The following ARF6 variants were observed in gnomAD, a reference collection of about 807,000 sequenced individuals.
ARF6 encodes ARF GTPase 6, also known as ADP-ribosylation factor 6.
For synonymous variants in ARF6, 127 were observed against 95.5 expected, an observed-to-expected ratio of 1.33 and a Z score of -1.92; for missense variants, 75 against 232.0, an observed-to-expected ratio of 0.32 and a Z score of 4.40.
In ARF6 at chr14:49,894,426, T is replaced by C. The variant is rs1894492418; in HGVS notation, c.*162T>C. On this transcript the variant is annotated 3_prime_UTR_variant, in exon 2 of 2. Transcript: ENST00000298316. ...GCGGGGACGGGGCTTGGGGGTTTTC[T>C]CTTTTGTTTGTTTCCCTTTCTTTTT... 4.6e-6 allele frequency: 3 copies of C among 655,396 alleles called. No individual in the cohort carries two copies. Among genetic ancestry groups the C allele is most frequent in the Non-Finnish European group, 4.9e-6 (2 of 404,262 alleles). 40.6% of individuals were successfully genotyped at this position (655,396 alleles called of 1,614,324 possible).
At position 49,896,738 on chromosome 14, in the gene ARF6, G is replaced by GTAA. The variant is rs1894528657; in HGVS notation, c.*2474_*2475insTAA. 1 of 166,936 alleles carries GTAA rather than the reference G, an allele frequency of 6.0e-6. No individual in the cohort carries two copies. The highest frequency in any genetic ancestry group is 1.5e-5 in the Non-Finnish European group (1 of 68,084). 10.3% of individuals were successfully genotyped at this position (166,936 alleles called of 1,614,324 possible). A position where few individuals can be genotyped will look rare whatever the true frequency, so the allele number is the denominator to read the frequency against. On this transcript the variant is annotated 3_prime_UTR_variant, in exon 2 of 2. Coordinates refer to ENST00000298316, the MANE Select transcript of ARF6 (RefSeq NM_001663.4). ...TAAAATTTTCTTTAAGGATATAAGA[G>GTAA]GTTTATAATTGATGTAGTTAAATTG...
chr14:49,896,925 A>G lies in ARF6; in HGVS notation c.*2661A>G, dbSNP rs1894530796. 6.0e-6 allele frequency: 1 copy of G among 167,050 alleles called. No homozygotes were observed. The highest frequency in any genetic ancestry group is 2.4e-5 in the African/African-American group (1 of 41,434). 10.3% of individuals were successfully genotyped at this position (167,050 alleles called of 1,614,324 possible). On this transcript the variant is annotated 3_prime_UTR_variant, in exon 2 of 2. Coordinates refer to ENST00000298316, the MANE Select transcript of ARF6 (RefSeq NM_001663.4). The stretch of plus-strand genomic sequence containing the variant: ...TTTTGAATGAGGTTAATCTTGTTTA[A>G]TATAAGTAAATGAGTCTGTAGACTG...
In ARF6 at chr14:49,893,511, C is replaced by G. The variant is rs112017635; in HGVS notation, c.-226C>G. The G allele has an allele frequency of 0.1, 56,628 of 555,072 alleles. 3,322 individuals are homozygous for G. Among genetic ancestry groups the G allele is most frequent in the Non-Finnish European group, 0.12 (36,621 of 316,584 alleles). The allele number at this position is 555,072 out of a possible 1,614,324, so 34.4% of individuals were successfully genotyped here. On this transcript the variant is annotated 5_prime_UTR_variant, in exon 2 of 2. Transcript: ENST00000298316. ...AGGGCGGCGGCTCCCAGCGCAGTCT[C>G]AGGGCCCGGGTGGCGGCGGCGACTG... is the stretch of plus-strand genomic sequence containing the variant.
At position 49,893,637 on chromosome 14, in the gene ARF6, C is replaced by CG. The variant is rs1894480192; in HGVS notation, c.-98dup. On this transcript the variant is annotated 5_prime_UTR_variant, in exon 2 of 2. Transcript: ENST00000298316. ...CACGCAGGCCGCAAAGGCGCTCTCG[C>CG]GGCCGAGAGGCTTCGTTTCGGTTTC... 6.8e-7 allele frequency: 1 copy of CG among 1,474,576 alleles called. No individual in the cohort carries two copies. The highest frequency in any genetic ancestry group is 9.2e-7 in the Non-Finnish European group (1 of 1,086,048). 91.3% of individuals were successfully genotyped at this position (1,474,576 alleles called of 1,614,324 possible).
chr14:49,894,406 G>T lies in ARF6; in HGVS notation c.*142G>T, dbSNP rs965534052. On this transcript the variant is annotated 3_prime_UTR_variant, in exon 2 of 2. Coordinates refer to ENST00000298316, the MANE Select transcript of ARF6 (RefSeq NM_001663.4). The stretch of plus-strand genomic sequence containing the variant: ...AGTTACTGTTCTACAGTTTGGCGGG[G>T]ACGGGGCTTGGGGGTTTTCTCTTTT... 6.8e-6 allele frequency: 6 copies of T among 887,510 alleles called. No individual in the cohort carries two copies. The African/African-American group carries it at 1.0e-4, about 15-fold the overall frequency. The allele number at this position is 887,510 out of a possible 1,614,324, so 55.0% of individuals were successfully genotyped here.
At position 49,894,022 on chromosome 14, in the gene ARF6, A is replaced by T. The variant is rs761927063; in HGVS notation, c.286A>T (p.Ile96Phe). Reference protein sequence around the residue: ...FVVDCADRDRIDEARQELHRI... With the variant: ...FVVDCADRDRFDEARQELHRI... ...AGTGGACTGCGCCGACCGCGACCGC[A>T]TCGATGAGGCTCGCCAGGAGCTGCA... Residue 96 changes from isoleucine (I) to phenylalanine (F), a missense_variant, in exon 2 of 2, where the codon ATC becomes TTC. Transcript: ENST00000298316. 6.2e-7 allele frequency: 1 copy of T among 1,614,244 alleles called. No homozygotes were observed. Among genetic ancestry groups the T allele is most frequent in the East Asian group, 2.2e-5 (1 of 44,890 alleles).
At position 49,896,528 on chromosome 14, in the gene ARF6, TTAAAA is replaced by T. The variant is rs1894525980; in HGVS notation, c.*2268_*2272del. On this transcript the variant is annotated 3_prime_UTR_variant, in exon 2 of 2. Transcript: ENST00000298316. ...TGGTAGGCAGCCATTTTTTTGTGTCTTAAAATAACTGGGGGCATAGTTAAAATTTT... is the reference window on the plus strand; with the variant it reads ...TGGTAGGCAGCCATTTTTTTGTGTCTTAACTGGGGGCATAGTTAAAATTTT... 1.2e-5 allele frequency: 2 copies of T among 167,044 alleles called. No individual in the cohort carries two copies. Among genetic ancestry groups the T allele is most frequent in the South Asian group, 2.1e-4 (1 of 4,834 alleles). 10.3% of individuals were successfully genotyped at this position (167,044 alleles called of 1,614,324 possible).
At position 49,895,139 on chromosome 14, in the gene ARF6, A is replaced by G. The variant is rs1894505165; in HGVS notation, c.*875A>G. The G allele has an allele frequency of 6.0e-6, 1 of 166,966 alleles. No individual in the cohort carries two copies. The highest frequency in any genetic ancestry group is 2.1e-4 in the South Asian group (1 of 4,832). The allele number at this position is 166,966 out of a possible 1,614,324, so 10.3% of individuals were successfully genotyped here. On this transcript the variant is annotated 3_prime_UTR_variant, in exon 2 of 2. Transcript: ENST00000298316. ...ACTTTGCTGTTTTTCCTCTTTTTTA[A>G]ACTTTGAAAATAGACTCTTTCCAGA...
At position 49,893,170 on chromosome 14, in the gene ARF6, G is replaced by A. The variant is rs1258229668; in HGVS notation, c.-482+13G>A. 6.6e-6 allele frequency: 1 copy of A among 152,472 alleles called. No individual in the cohort carries two copies. Among genetic ancestry groups the A allele is most frequent in the African/African-American group, 2.4e-5 (1 of 41,446 alleles). The allele number at this position is 152,472 out of a possible 1,614,324, so 9.4% of individuals were successfully genotyped here. ...GCGGCGGCTGGAGGTAACCCCTTGGGCCGAGCTGGAAAGGCGGGCCACCTC... is the reference window on the plus strand; with the variant it reads ...GCGGCGGCTGGAGGTAACCCCTTGGACCGAGCTGGAAAGGCGGGCCACCTC... On this transcript the variant is annotated intron_variant, in intron 1 of 1. Transcript: ENST00000298316.
In ARF6 at chr14:49,893,931, C is replaced by T. The variant is rs61755565; in HGVS notation, c.195C>T (p.Gly65=). ...TCAAGTTCAACGTATGGGATGTGGG[C>T]GGCCAGGACAAGATCCGGCCGCTCT... ...KNVKFNVWDV[G]GQDKIRPLWR... The change falls in exon 2 of 2, where the codon GGC becomes GGT. Residue 65 remains glycine, a synonymous_variant. Transcript: ENST00000298316. 3 of 1,614,066 alleles carry T rather than the reference C, an allele frequency of 1.9e-6. No homozygotes were observed. The highest frequency in any genetic ancestry group is 1.3e-5 in the African/African-American group (1 of 74,918).
At position 49,893,969 on chromosome 14, in the gene ARF6, A is replaced by T; in HGVS notation, c.233A>T (p.Tyr78Phe). ...DKIRPLWRHY[Y>F]TGTQGLIFVV... ...ATCCGGCCGCTCTGGCGGCATTACT[A>T]CACTGGGACCCAAGGTCTCATCTTC... Residue 78 changes from tyrosine (Y) to phenylalanine (F), a missense_variant, in exon 2 of 2, where the codon TAC becomes TTC. Tyr to Phe is a conservative substitution (Grantham distance 22, BLOSUM62 3). Transcript: ENST00000298316. 1 of 1,614,240 alleles carries T rather than the reference A, an allele frequency of 6.2e-7. No homozygotes were observed. Among genetic ancestry groups the T allele is most frequent in the Non-Finnish European group, 8.5e-7 (1 of 1,180,044 alleles).
chr14:49,895,363 T>C lies in ARF6; in HGVS notation c.*1099T>C, dbSNP rs988734394. ...CAAATTATATGCACCTTTTACCTAG[T>C]TGAAAAAAATACACATTCCTGTTTT... On this transcript the variant is annotated 3_prime_UTR_variant, in exon 2 of 2. Transcript: ENST00000298316. The C allele has an allele frequency of 6.0e-6, 1 of 167,098 alleles. No individual in the cohort carries two copies. Among genetic ancestry groups the C allele is most frequent in the Non-Finnish European group, 1.5e-5 (1 of 68,108 alleles). 10.4% of individuals were successfully genotyped at this position (167,098 alleles called of 1,614,324 possible).
In ARF6 at chr14:49,894,302, C is replaced by CT; in HGVS notation, c.*38_*39insT. 3 of 1,543,010 alleles carry CT rather than the reference C, an allele frequency of 1.9e-6. No individual in the cohort carries two copies. The highest frequency in any genetic ancestry group is 2.6e-6 in the Non-Finnish European group (3 of 1,141,860). On this transcript the variant is annotated 3_prime_UTR_variant, in exon 2 of 2. Transcript: ENST00000298316. ...ACCCATCCCCTGGAAGGAGAGAAAT[C>CT]AAAAACCCATTCATAGGATTATCGC...
In ARF6 at chr14:49,896,539, G is replaced by A. The variant is rs373024767; in HGVS notation, c.*2275G>A. On this transcript the variant is annotated 3_prime_UTR_variant, in exon 2 of 2. Transcript: ENST00000298316. ...CATTTTTTTGTGTCTTAAAATAACT[G>A]GGGGCATAGTTAAAATTTTATACAT... The A allele has an allele frequency of 2.5e-4, 42 of 167,036 alleles. No homozygotes were observed. Among genetic ancestry groups the A allele is most frequent in the African/African-American group, 1.0e-3 (42 of 41,528 alleles). The allele number at this position is 167,036 out of a possible 1,614,324, so 10.3% of individuals were successfully genotyped here. A position where few individuals can be genotyped will look rare whatever the true frequency, so the allele number is the denominator to read the frequency against.
At position 49,894,263 on chromosome 14, in the gene ARF6, A is replaced by T. The variant is rs1244615425; in HGVS notation, c.527A>T (p.Ter176LeuextTer1). The change falls in exon 2 of 2, where the codon TAA becomes TTA. Residue 176 changes from the stop codon to leucine (L), a stop_lost. Coordinates refer to ENST00000298316, the MANE Select transcript of ARF6 (RefSeq NM_001663.4). ...LTWLTSNYKS[*>L] is the part of the protein sequence containing the mutation. ...TGGTTAACCTCTAACTACAAATCTT[A>T]ATGAGCATTCTCCACCCATCCCCTG... The T allele has an allele frequency of 6.2e-7, 1 of 1,603,094 alleles. No individual in the cohort carries two copies. The highest frequency in any genetic ancestry group is 8.5e-7 in the Non-Finnish European group (1 of 1,171,500).
chr14:49,894,326 G>T lies in ARF6; in HGVS notation c.*62G>T, dbSNP rs1447912831. ...TCAAAAACCCATTCATAGGATTATC[G>T]CCACCATCACCTCTTTCAATTGCCA... On this transcript the variant is annotated 3_prime_UTR_variant, in exon 2 of 2. Coordinates refer to ENST00000298316, the MANE Select transcript of ARF6 (RefSeq NM_001663.4). 5 of 1,456,326 alleles carry T rather than the reference G, an allele frequency of 3.4e-6. No homozygotes were observed. The East Asian group carries it at 1.2e-4, about 36-fold the overall frequency. The allele number at this position is 1,456,326 out of a possible 1,614,324, so 90.2% of individuals were successfully genotyped here. A position where few individuals can be genotyped will look rare whatever the true frequency, so the allele number is the denominator to read the frequency against.
In ARF6 at chr14:49,896,503, T is replaced by A. The variant is rs981219228; in HGVS notation, c.*2239T>A. ...GTATTTCTAACTTGTGAAGACAGATTGGTAGGCAGCCATTTTTTTGTGTCT... is the reference window on the plus strand; with the variant it reads ...GTATTTCTAACTTGTGAAGACAGATAGGTAGGCAGCCATTTTTTTGTGTCT... On this transcript the variant is annotated 3_prime_UTR_variant, in exon 2 of 2. Transcript: ENST00000298316. 1.2e-5 allele frequency: 2 copies of A among 167,052 alleles called. No individual in the cohort carries two copies. The highest frequency in any genetic ancestry group is 4.8e-5 in the African/African-American group (2 of 41,448). The allele number at this position is 167,052 out of a possible 1,614,324, so 10.3% of individuals were successfully genotyped here.
At position 49,893,462 on chromosome 14, in the gene ARF6, T is replaced by G; in HGVS notation, c.-275T>G. 2.9e-6 allele frequency: 1 copy of G among 339,422 alleles called. No homozygotes were observed. Among genetic ancestry groups the G allele is most frequent in the Non-Finnish European group, 5.3e-6 (1 of 187,310 alleles). The allele number at this position is 339,422 out of a possible 1,614,324, so 21.0% of individuals were successfully genotyped here. A position where few individuals can be genotyped will look rare whatever the true frequency, so the allele number is the denominator to read the frequency against. ...GCGGCGCCTGCGGGGGGAAGGGCAG[T>G]TCCGGGCCGGGCCGCGCCTCAGCAG... On this transcript the variant is annotated 5_prime_UTR_variant, in exon 2 of 2. Coordinates refer to ENST00000298316, the MANE Select transcript of ARF6 (RefSeq NM_001663.4).
At position 49,893,519 on chromosome 14, in the gene ARF6, G is replaced by A; in HGVS notation, c.-218G>A. 2 of 573,322 alleles carry A rather than the reference G, an allele frequency of 3.5e-6. No individual in the cohort carries two copies. The highest frequency in any genetic ancestry group is 3.2e-5 in the Admixed American group (1 of 31,686). The allele number at this position is 573,322 out of a possible 1,614,324, so 35.5% of individuals were successfully genotyped here. A position where few individuals can be genotyped will look rare whatever the true frequency, so the allele number is the denominator to read the frequency against. On this transcript the variant is annotated 5_prime_UTR_variant, in exon 2 of 2. Coordinates refer to ENST00000298316, the MANE Select transcript of ARF6 (RefSeq NM_001663.4). ...GGCTCCCAGCGCAGTCTCAGGGCCC[G>A]GGTGGCGGCGGCGACTGGAGAAATC...
Sources: allele counts gnomAD v4.1 joint callset, GRCh38; gene constraint gnomAD v4.1.1; transcripts MANE v1.5; gene names NCBI Gene and HGNC (gene_info 2026-07-23, HGNC 2026-07-21).